ITPR1: variants seen among roughly 807,000 people sequenced by gnomAD.
ITPR1 encodes the protein inositol 1,4,5-trisphosphate-gated calcium channel ITPR1.
ITPR1 carries 96 observed loss-of-function variants against 318.4 expected under a neutral mutation model. The observed-to-expected ratio is 0.30, with a 90% CI of 0.26 to 0.36. The LOEUF is 0.36. ITPR1 is among the 10% of genes least tolerant of loss of function. The pLI is 1.00. For synonymous variants in ITPR1, 1,312 were observed against 1,289.9 expected, an observed-to-expected ratio of 1.02 and a Z score of -0.37; for missense variants, 2,440 against 3,460.2, an observed-to-expected ratio of 0.71 and a Z score of 7.40.
chr3:4,595,428 G>A (rs561533702), intron 4 of ITPR1, among the ~76,000 whole-genome samples: 1 of 152,286 alleles, frequency 6.6e-6, no homozygotes, highest in Non-Finnish European at 1.5e-5. Context: ...GTGATGGTGC[G>A]AAGCCATTCA....
intron 34 of ITPR1, among the ~76,000 whole-genome samples, chr3:4,697,661 A>T (rs968511981): frequency 6.6e-6 from 1 of 152,038 alleles, no homozygotes; most frequent in Non-Finnish European, 1.5e-5. Context: ...CATGTTGGCC[A>T]GGCTGGTCTT....
At chr3:4,673,027 T>TAGTTGG in intron 20 of ITPR1, 109 bp from the exon 21 acceptor site, 1 of 1,206,620 alleles carries the variant, frequency 8.3e-7, no homozygotes. Flanking sequence ...TGTATGAGTT[T>TAGTTGG]AGTTGGCCAA....
intron 36 of ITPR1, among the ~76,000 whole-genome samples, 169 bp from the exon 37 acceptor site, chr3:4,705,998 A>G (rs556117581): frequency 3.9e-4 from 60 of 152,290 alleles, no homozygotes; most frequent in African/African-American, 1.4e-3. Flanking sequence ...CCCTGACCTA[A>G]AAGATGGTAA....
intron 30 of ITPR1, 128 bp from the exon 31 acceptor site, chr3:4,688,367 A>G (rs1216229343): frequency 1.6e-5 from 17 of 1,073,032 alleles, no homozygotes; most frequent in African/African-American, 1.6e-5. Context: ...GCAGCCCCTC[A>G]ATATTTACCC....
intron 4 of ITPR1, among the ~76,000 whole-genome samples, chr3:4,552,731 T>A (rs534464284): frequency 1.3e-5 from 2 of 152,334 alleles, no homozygotes; most frequent in Admixed American, 6.5e-5. Flanking sequence ...CTCTCTTCCC[T>A]CTCCTCTTTC....
At chr3:4,652,667 G>A (rs1223466843) in intron 11 of ITPR1, among the ~76,000 whole-genome samples, 1 of 152,158 alleles carries the variant, frequency 6.6e-6, no homozygotes, top group East Asian at 1.9e-4. Context: ...GGAATAGACA[G>A]TGGCTTATCT....
At position 4,705,270 on chromosome 3, in the gene ITPR1, A is replaced by T. The variant is rs576415863; in HGVS notation, c.4658-897A>T. 3.3e-5 allele frequency among the ~76,000 whole-genome samples: 5 copies of T among 152,182 alleles called. No individual in the cohort carries two copies. In the South Asian group the frequency reaches 1.0e-3, roughly 32 times the overall value. On this transcript the variant is annotated intron_variant, in intron 36 of 61. Coordinates refer to ENST00000649015, the MANE Select transcript of ITPR1 (RefSeq NM_001378452.1). ...TTTGGAATAATTTCAGGTTTATGGG[A>T]CTGTAGCAAGGGTAATACAGAGAGT...
intron 53 of ITPR1, chr3:4,800,144 G>T: frequency 2.3e-6 from 1 of 436,106 alleles, no homozygotes; most frequent in Non-Finnish European, 4.1e-6. Context: ...TGGGGAGGAA[G>T]GGGATTGGGG....
In ITPR1 at chr3:4,627,856, C is replaced by T; in HGVS notation, c.257C>T (p.Ala86Val). ...AKPGANSTTD[A>V]VLLNKLHHAA... The stretch of plus-strand genomic sequence containing the variant: ...CCTGGGGCCAACAGCACCACAGACG[C>T]AGTGCTACTCAACAAACTGCACGTA... The change falls in exon 5 of 62, where the codon GCA (alanine) becomes GTA (valine). Residue 86 changes from alanine to valine, a missense_variant. Coordinates refer to ENST00000649015, the MANE Select transcript of ITPR1 (RefSeq NM_001378452.1). 1.2e-6 allele frequency: 2 copies of T among 1,612,528 alleles called. No individual in the cohort carries two copies. The highest frequency in any genetic ancestry group is 1.7e-6 in the Non-Finnish European group (2 of 1,178,948).
Position 4,815,050 on chromosome 3 carries a change from C to T in ITPR1, c.7702-3C>T. ...GACTGATCCAGACACCTCTCTTTTC[C>T]AGGAACCCCTGTTTGCTGCTAGAGT... On this transcript the variant is annotated splice_region_variant and splice_polypyrimidine_tract_variant and intron_variant, in intron 58 of 61. Coordinates refer to ENST00000649015, the MANE Select transcript of ITPR1 (RefSeq NM_001378452.1). 2 of 1,606,204 alleles carry T rather than the reference C, an allele frequency of 1.2e-6. No homozygotes were observed. The highest frequency in any genetic ancestry group is 1.7e-6 in the Non-Finnish European group (2 of 1,175,006).
At chr3:4,766,910 A>G (rs1000874888) in intron 45 of ITPR1, among the ~76,000 whole-genome samples, 200 bp downstream of exon 45, 2 of 152,244 alleles carry the variant, frequency 1.3e-5, no homozygotes, top group Admixed American at 1.3e-4. Context: ...CTTCCTGTTT[A>G]ATAAAGAACA....
At chr3:4,833,501 C>G (rs547432330) in intron 60 of ITPR1, among the ~76,000 whole-genome samples, 183 of 152,356 alleles carry the variant, frequency 1.2e-3, no homozygotes, top group Non-Finnish European at 1.5e-3. Flanking sequence ...AGTTTAGATT[C>G]ATTTGCATGT....
At chr3:4,795,303 C>T (rs2047828109) in intron 53 of ITPR1, 116 bp downstream of exon 53, 2 of 868,958 alleles carry the variant, frequency 2.3e-6, no homozygotes, top group South Asian at 2.9e-5. Context: ...CAGTTATCCA[C>T]ATTCAGACAA....
At chr3:4,754,000 G>A (rs150075658) in intron 44 of ITPR1, among the ~76,000 whole-genome samples, 2 of 143,848 alleles carry the variant, frequency 1.4e-5, no homozygotes, top group South Asian at 4.7e-4. Context: ...AAAGATGCAG[G>A]ATAGAGATCG....
At chr3:4,532,634 G>C (rs2083513027) in intron 4 of ITPR1, among the ~76,000 whole-genome samples, 1 of 152,166 alleles carries the variant, frequency 6.6e-6, no homozygotes, top group Non-Finnish European at 1.5e-5. Flanking sequence ...TCCTCCAAAA[G>C]TATCGGGATT....
At chr3:4,627,454 A>T (rs1411641383) in intron 4 of ITPR1, among the ~76,000 whole-genome samples, 2 of 152,026 alleles carry the variant, frequency 1.3e-5, no homozygotes, top group African/African-American at 4.8e-5. Context: ...ACAGAGGGAG[A>T]CTCAGTCTTA....
At chr3:4,800,255 A>G in intron 53 of ITPR1, 170 bp from the exon 54 acceptor site, 1 of 592,454 alleles carries the variant, frequency 1.7e-6, no homozygotes. Flanking sequence ...TTGGAGGTCA[A>G]AAAATGCTGA....
At chr3:4,731,678 T>G (rs1005961278) in intron 42 of ITPR1, among the ~76,000 whole-genome samples, 1 of 152,186 alleles carries the variant, frequency 6.6e-6, no homozygotes, top group Non-Finnish European at 1.5e-5. Context: ...TCTGGGACTT[T>G]CCATGGTTTT....
intron 6 of ITPR1, among the ~76,000 whole-genome samples, chr3:4,639,686 G>C (rs2093292016): frequency 6.6e-6 from 1 of 152,152 alleles, no homozygotes; most frequent in Non-Finnish European, 1.5e-5. Flanking sequence ...ACTTCTCTCT[G>C]TCTGTGGCTG....
Sources: allele counts gnomAD v4.1 joint callset (sites outside exome capture counted in the v4.1 genomes callset), GRCh38; gene constraint gnomAD v4.1.1; transcripts MANE v1.5; gene names NCBI Gene and HGNC (gene_info 2026-07-23, HGNC 2026-07-21).